BCOR: variants seen among roughly 807,000 people sequenced by gnomAD.
BCOR encodes the protein BCL-6 corepressor.
BCOR carries 10 observed loss-of-function variants against 86.7 expected under a neutral mutation model. That is an observed-to-expected ratio of 0.12 (90% CI 0.07 to 0.20). The LOEUF is 0.20. Ranked by LOEUF, BCOR falls within the 10% of genes least tolerant of loss-of-function variation. The pLI, the probability that BCOR is intolerant of heterozygous loss-of-function variation, is 1.00. For missense variants in BCOR, 1,259 were observed against 1,452.1 expected (o/e 0.87, Z 2.16); for synonymous variants, 611 against 609.0 (o/e 1.00, Z -0.05).
chrX:40,172,589 G>A (rs946128701), intron 1 of BCOR, among the ~76,000 whole-genome samples: 5 of 113,036 alleles, frequency 4.4e-5, no homozygotes, highest in African/African-American at 1.6e-4. Flanking sequence ...TGGCCGGACG[G>A]GTGTTGAGGG....
chrX:40,127,955 T>C (rs1602246334), intron 1 of BCOR, among the ~76,000 whole-genome samples: 1 of 110,135 alleles, frequency 9.1e-6, no homozygotes, highest in Non-Finnish European at 1.9e-5. Flanking sequence ...GGCCGAGCGC[T>C]GTGGCTCACG....
intron 1 of BCOR, among the ~76,000 whole-genome samples, chrX:40,161,671 G>A (rs1305630458): frequency 5.6e-5 from 6 of 107,059 alleles, no homozygotes; most frequent in African/African-American, 1.4e-4. Flanking sequence ...CCGCCATCAC[G>A]CCCAGCTAAT....
At chrX:40,174,175 G>A (rs920435381) in intron 1 of BCOR, among the ~76,000 whole-genome samples, 4 of 112,648 alleles carry the variant, frequency 3.6e-5, no homozygotes, top group African/African-American at 1.3e-4. Context: ...ACCGGCGTTT[G>A]CCTAATCACT....
chrX:40,170,221 G>A (rs1189768878), intron 1 of BCOR, among the ~76,000 whole-genome samples: 1 of 112,270 alleles, frequency 8.9e-6, no homozygotes, highest in Non-Finnish European at 1.9e-5. Context: ...CCAAGCCTGA[G>A]TCAAGACGTC....
Position 40,073,192 on chromosome X carries a change from A to G in BCOR, c.2154T>C (p.Asp718=), listed in dbSNP as rs751855934. The change falls in exon 4 of 15, where the codon GAT becomes GAC. Residue 718 remains aspartate (D), a synonymous_variant. Transcript: ENST00000378444. ...GATGCACCATGCCCAACCCCAGGGC[A>G]TCTTGGTAGGTCACAAACTCTGGAC... is the stretch of plus-strand genomic sequence containing the variant. The part of the protein sequence containing the change: ...TGRPEFVTYQ[D]ALGLGMVHPM... The G allele has an allele frequency of 8.3e-7, 1 of 1,212,097 alleles. No homozygotes were observed. Among genetic ancestry groups the G allele is most frequent in the Non-Finnish European group, 1.1e-6 (1 of 895,578 alleles).
intron 1 of BCOR, among the ~76,000 whole-genome samples, chrX:40,096,843 C>A (rs1206999255): frequency 1.8e-5 from 2 of 109,955 alleles, no homozygotes; most frequent in African/African-American, 6.6e-5. Context: ...GCCCACCTCC[C>A]CCCCCTCCGC....
chrX:40,128,389 TAC>T (rs758188352), intron 1 of BCOR, among the ~76,000 whole-genome samples: 2 of 110,992 alleles, frequency 1.8e-5, no homozygotes, highest in African/African-American at 3.3e-5. Flanking sequence ...CTACAAAAAA[TAC>T]AAAAATTAGC....
At chrX:40,128,527 C>G (rs1286301212) in intron 1 of BCOR, among the ~76,000 whole-genome samples, 3 of 111,840 alleles carry the variant, frequency 2.7e-5, no homozygotes, top group Non-Finnish European at 5.6e-5. Context: ...GCCTGGGCAA[C>G]AGAGTGAGAC....
At chrX:40,099,748 A>G (rs776417306), upstream of BCOR, among the ~76,000 whole-genome samples, 1 of 112,422 alleles carries the variant, frequency 8.9e-6, no homozygotes, top group African/African-American at 3.2e-5. Flanking sequence ...AGTTATAAAA[A>G]CAGCCCTTCT....
chrX:40,125,261 T>A (rs766514189), intron 1 of BCOR, among the ~76,000 whole-genome samples: 1 of 110,832 alleles, frequency 9.0e-6, no homozygotes, highest in Non-Finnish European at 1.9e-5. Flanking sequence ...GACTGTGGAG[T>A]CTCACTCTGT....
intron 10 of BCOR, 99 bp from the exon 11 acceptor site, chrX:40,057,420 G>A (rs764631885): frequency 4.1e-5 from 35 of 862,527 alleles, no homozygotes; most frequent in Non-Finnish European, 5.3e-5. Flanking sequence ...CCTCAGGCCT[G>A]AGAACCTGAG....
At chrX:40,078,850 G>A (rs1025843995) in intron 1 of BCOR, among the ~76,000 whole-genome samples, 5 of 21,870 alleles carry the variant, frequency 2.3e-4, no homozygotes, top group Non-Finnish European at 4.3e-4. Context: ...TCTGCCCACC[G>A]CCCCCACCCA....
intron 1 of BCOR, among the ~76,000 whole-genome samples, chrX:40,081,874 C>A: frequency 8.9e-6 from 1 of 112,308 alleles, no homozygotes; most frequent in East Asian, 2.8e-4. Context: ...CAGCTGCCTG[C>A]AGGAACACCC....
chrX:40,102,729 A>G (rs1256433126), upstream of BCOR, among the ~76,000 whole-genome samples: 2 of 113,351 alleles, frequency 1.8e-5, no homozygotes, highest in African/African-American at 6.4e-5. Context: ...CCTTCGCGGT[A>G]CCACTCCCGA....
rs143531398 is a variant in BCOR, at chrX:40,174,790, C to T, written c.-41+2217G>A. The stretch of plus-strand genomic sequence containing the variant: ...CTCAGCCCCGCACCTCCTGAGCATA[C>T]ATTTAATGTTAGGCAAAGAGCAAGT... On this transcript the variant is annotated intron_variant, in intron 1 of 14. Transcript: ENST00000342274. 2.1e-4 allele frequency among the ~76,000 whole-genome samples: 24 copies of T among 113,172 alleles called. No homozygotes were observed. The East Asian group carries it at 6.4e-3, about 30-fold the overall frequency.
chrX:40,106,830 CTT>C (rs2147811753), intron 1 of BCOR, among the ~76,000 whole-genome samples: 1 of 110,927 alleles, frequency 9.0e-6, no homozygotes, highest in Non-Finnish European at 1.9e-5. Context: ...GTGGTGGAAA[CTT>C]CTCTCGCTGG....
intron 1 of BCOR, among the ~76,000 whole-genome samples, chrX:40,161,826 G>A (rs1044411648): frequency 8.9e-6 from 1 of 111,933 alleles, no homozygotes; most frequent in African/African-American, 3.3e-5. Context: ...TTAGGGTCTT[G>A]CACTCAAACA....
intron 6 of BCOR, among the ~76,000 whole-genome samples, chrX:40,065,888 G>A (rs999547546): frequency 1.8e-5 from 2 of 108,776 alleles, no homozygotes; most frequent in East Asian, 2.9e-4. Flanking sequence ...TCCCACTCCT[G>A]ACCAGCACCG....
At chrX:40,086,459 C>T (rs1410388811) in intron 1 of BCOR, among the ~76,000 whole-genome samples, 1 of 113,321 alleles carries the variant, frequency 8.8e-6, no homozygotes, top group Non-Finnish European at 1.9e-5. Flanking sequence ...GGCCTTCTCC[C>T]GCCACCTCTG....
Sources: gnomAD v4.1 joint callset for allele counts (sites outside exome capture counted in the v4.1 genomes callset) on GRCh38, gnomAD v4.1.1 for gene constraint, MANE v1.5 for transcripts, NCBI Gene and HGNC (gene_info 2026-07-23, HGNC 2026-07-21) for gene names.